OLFML1: variants seen among roughly 807,000 people sequenced by gnomAD.
OLFML1 encodes the protein olfactomedin-like protein 1.
A neutral mutation model predicts 37.3 loss-of-function variants in OLFML1; 33 were observed. The ratio of observed to expected loss-of-function variants is 0.88; its 90% CI spans 0.67 to 1.18. OLFML1 has a LOEUF of 1.18. Among genes scored for constraint, OLFML1 ranks in the 50% most tolerant of loss-of-function variants. The pLI, the probability that OLFML1 is intolerant of heterozygous loss-of-function variation, is 0.00. For missense variants in OLFML1, 545 were observed against 483.7 expected (o/e 1.13, Z -1.19); for synonymous variants, 186 against 181.3 (o/e 1.03, Z -0.21).
At chr11:7,497,588 C>T (rs1175207616) in intron 2 of OLFML1, among the ~76,000 whole-genome samples, 3 of 152,170 alleles carry the variant, frequency 2.0e-5, no homozygotes, top group South Asian at 2.1e-4. Context: ...CCAGCTTCCA[C>T]ACCCTCCACT....
intron 2 of OLFML1, among the ~76,000 whole-genome samples, chr11:7,491,425 G>T (rs140343664): frequency 1.3e-5 from 2 of 151,882 alleles, no homozygotes; most frequent in African/African-American, 2.4e-5. Context: ...CACAGAAATT[G>T]TTTACAGAAG....
At chr11:7,486,625 C>A (rs1177069919) in intron 1 of OLFML1, among the ~76,000 whole-genome samples, 11 of 152,134 alleles carry the variant, frequency 7.2e-5, no homozygotes, top group Non-Finnish European at 1.5e-5. Context: ...ATGTGCAAAA[C>A]CCAACATTTT....
At position 7,485,651 on chromosome 11, in the gene OLFML1, CCT is replaced by C. The variant is rs920644276; in HGVS notation, c.-223_-222del. 3.7e-6 allele frequency: 2 copies of C among 538,644 alleles called. No homozygotes were observed. The highest frequency in any genetic ancestry group is 3.8e-5 in the African/African-American group (2 of 52,670). 33.4% of individuals were successfully genotyped at this position (538,644 alleles called of 1,614,324 possible). On this transcript the variant is annotated 5_prime_UTR_variant, in exon 1 of 3. The change abolishes the stop of an existing upstream ORF in the 5' untranslated region. Transcript: ENST00000329293. ...CTCTGCCACAGGTCAGTCTACAAGG[CCT>C]CAGGGACCAACTTGCCAACAGCTGG...
intron 1 of OLFML1, 143 bp downstream of exon 1, chr11:7,486,147 A>G (rs1239133403): frequency 2.4e-6 from 2 of 820,666 alleles, no homozygotes; most frequent in Non-Finnish European, 3.8e-6. Flanking sequence ...AAATGCTCAT[A>G]GTCTGGCAGT....
At chr11:7,505,323 A>T (rs1029497766) in intron 2 of OLFML1, among the ~76,000 whole-genome samples, 1 of 152,092 alleles carries the variant, frequency 6.6e-6, no homozygotes. Context: ...CTATCTAACT[A>T]TCATTCCACT....
rs1848550169 is a variant in OLFML1, at chr11:7,488,245, G to C, written c.248G>C (p.Ser83Thr). 5.0e-6 allele frequency: 8 copies of C among 1,614,092 alleles called. No homozygotes were observed. Among genetic ancestry groups the C allele is most frequent in the Non-Finnish European group, 6.8e-6 (8 of 1,180,004 alleles). The change falls in exon 2 of 3, where the codon AGT becomes ACT. Residue 83 changes from serine to threonine, a missense_variant. Transcript: ENST00000329293. ...RCQTYTSEYKSAVGNLALRVE... is the reference protein window; with the variant it reads ...RCQTYTSEYKTAVGNLALRVE... ...CAGACCTACACAAGTGAGTACAAGA[G>C]TGCAGTGGGTAACTTGGCACTGAGA... is the stretch of plus-strand genomic sequence containing the variant.
chr11:7,500,370 G>A (rs933157583), intron 2 of OLFML1, among the ~76,000 whole-genome samples: 5 of 152,184 alleles, frequency 3.3e-5, no homozygotes, highest in African/African-American at 1.2e-4. Flanking sequence ...AGGTCCCAGA[G>A]AGCCCATTGC....
At position 7,510,326 on chromosome 11, in the gene OLFML1, C is replaced by G; in HGVS notation, c.*138C>G. The G allele has an allele frequency of 4.3e-6, 3 of 690,156 alleles. No individual in the cohort carries two copies. Among genetic ancestry groups the G allele is most frequent in the Non-Finnish European group, 4.7e-6 (2 of 422,042 alleles). The allele number at this position is 690,156 out of a possible 1,614,324, so 42.8% of individuals were successfully genotyped here. ...TGTAGAAGTGGAAATACGTATGCCT[C>G]CTTTCCCAAATGTCACTGCCTTAGG... On this transcript the variant is annotated 3_prime_UTR_variant, in exon 3 of 3. Coordinates refer to ENST00000329293, the MANE Select transcript of OLFML1 (RefSeq NM_198474.4).
chr11:7,486,506 G>A (rs1848525245), intron 1 of OLFML1, among the ~76,000 whole-genome samples: 1 of 152,170 alleles, frequency 6.6e-6, no homozygotes, highest in Admixed American at 6.5e-5. Flanking sequence ...TGATATCAAT[G>A]TACTGAGAAG....
At position 7,510,340 on chromosome 11, in the gene OLFML1, C is replaced by A; in HGVS notation, c.*152C>A. The A allele has an allele frequency of 1.5e-6, 1 of 648,252 alleles. No homozygotes were observed. The highest frequency in any genetic ancestry group is 2.6e-6 in the Non-Finnish European group (1 of 384,010). 40.2% of individuals were successfully genotyped at this position (648,252 alleles called of 1,614,324 possible). On this transcript the variant is annotated 3_prime_UTR_variant, in exon 3 of 3. Coordinates refer to ENST00000329293, the MANE Select transcript of OLFML1 (RefSeq NM_198474.4). ...TACGTATGCCTCCTTTCCCAAATGT[C>A]ACTGCCTTAGGTATCTTCCAAGAGC...
intron 2 of OLFML1, among the ~76,000 whole-genome samples, chr11:7,493,177 C>A (rs1848620053): frequency 6.6e-6 from 1 of 152,176 alleles, no homozygotes; most frequent in South Asian, 2.1e-4. Context: ...AAAGTTACCT[C>A]AAGTAACCTT....
In OLFML1 at chr11:7,510,125, C is replaced by A. The variant is rs750947115; in HGVS notation, c.1146C>A (p.Ala382=). The change falls in exon 3 of 3, where the codon GCC becomes GCA. Residue 382 remains alanine (A), a synonymous_variant. Transcript: ENST00000329293. ...ACCCCAGAGATAAGCAGCTCTATGC[C>A]TGGAATGAAGGAAACCAGATCATTT... ...HYNPRDKQLY[A]WNEGNQIIYK... 6.2e-7 allele frequency: 1 copy of A among 1,613,942 alleles called. No homozygotes were observed. Among genetic ancestry groups the A allele is most frequent in the Non-Finnish European group, 8.5e-7 (1 of 1,180,024 alleles).
intron 2 of OLFML1, among the ~76,000 whole-genome samples, chr11:7,492,655 C>T (rs138395708): frequency 1.4e-3 from 213 of 152,242 alleles, no homozygotes; most frequent in Admixed American, 3.1e-3. Context: ...CCCCAAATGA[C>T]GTCCACATGA....
intron 2 of OLFML1, among the ~76,000 whole-genome samples, chr11:7,501,217 G>C (rs1848720856): frequency 6.6e-6 from 1 of 152,172 alleles, no homozygotes; most frequent in African/African-American, 2.4e-5. Flanking sequence ...CAGGTGGAGG[G>C]GTGGCCCTGG....
At chr11:7,506,901 A>G (rs1848792464) in intron 2 of OLFML1, among the ~76,000 whole-genome samples, 1 of 152,330 alleles carries the variant, frequency 6.6e-6, no homozygotes, top group Admixed American at 6.5e-5. Context: ...CAATGGAAGA[A>G]TAACTGTGGT....
At chr11:7,498,110 A>G (rs1848684065) in intron 2 of OLFML1, among the ~76,000 whole-genome samples, 1 of 152,246 alleles carries the variant, frequency 6.6e-6, no homozygotes, top group Non-Finnish European at 1.5e-5. Flanking sequence ...TGAGGGCGAT[A>G]TATACTGTGT....
rs1564923647 is a variant in OLFML1 at position 7,509,777 on chromosome 11, C to CAGG, written c.798_799insAGG (p.Pro266_Ser267insArg). The CAGG allele has an allele frequency of 2.5e-6, 4 of 1,614,132 alleles. No homozygotes were observed. Among genetic ancestry groups the CAGG allele is most frequent in the Non-Finnish European group, 3.4e-6 (4 of 1,180,048 alleles). ...GAGCATTGGTTTACCAGCACTCCCCCTCAACTTACATTGACCTGGCTGTGG... is the reference window on the plus strand; with the variant it reads ...GAGCATTGGTTTACCAGCACTCCCCCAGGTCAACTTACATTGACCTGGCTGTGG... On this transcript the variant is annotated inframe_insertion, in exon 3 of 3. Coordinates refer to ENST00000329293, the MANE Select transcript of OLFML1 (RefSeq NM_198474.4).
intron 2 of OLFML1, among the ~76,000 whole-genome samples, chr11:7,492,738 A>C (rs1366139129): frequency 6.6e-6 from 1 of 151,538 alleles, no homozygotes; most frequent in Non-Finnish European, 1.5e-5. Flanking sequence ...CCACTTTCCC[A>C]CTCTCCTTCC....
At chr11:7,506,504 C>T (rs1206595458) in intron 2 of OLFML1, among the ~76,000 whole-genome samples, 3 of 151,790 alleles carry the variant, frequency 2.0e-5, no homozygotes, top group Non-Finnish European at 2.9e-5. Flanking sequence ...CTGGCCAGGG[C>T]GGGGTGTGTG....
Sources: allele counts gnomAD v4.1 joint callset (sites outside exome capture counted in the v4.1 genomes callset), GRCh38; gene constraint gnomAD v4.1.1; transcripts MANE v1.5; gene names NCBI Gene and HGNC (gene_info 2026-07-23, HGNC 2026-07-21).